The following PDE3B variants were observed in gnomAD, a reference collection of about 807,000 sequenced individuals.
PDE3B encodes the protein cGMP-inhibited 3',5'-cyclic phosphodiesterase 3B.
A neutral mutation model predicts 116.8 loss-of-function variants in PDE3B; 66 were observed. The ratio of observed to expected loss-of-function variants is 0.56; its 90% CI spans 0.46 to 0.69. The LOEUF (loss-of-function observed/expected upper bound fraction) is 0.69, where lower values mean the gene tolerates loss of function less well. PDE3B is among the 30% of genes least tolerant of loss of function. The pLI is 0.00. For synonymous variants in PDE3B, 595 were observed against 533.6 expected (o/e 1.12, Z -1.59); for missense variants, 1,384 against 1,368.1 (o/e 1.01, Z -0.18).
intron 12 of PDE3B, among the ~76,000 whole-genome samples, chr11:14,855,524 T>G (rs1306661791): frequency 2.0e-5 from 3 of 152,330 alleles, no homozygotes; most frequent in African/African-American, 7.2e-5. Flanking sequence ...TGGGTGCATA[T>G]TGTGGGATAG....
chr11:14,737,126 C>T (rs892546969), intron 1 of PDE3B, among the ~76,000 whole-genome samples: 5 of 150,840 alleles, frequency 3.3e-5, no homozygotes, highest in East Asian at 1.9e-4. Context: ...ACATTTAGAA[C>T]GAAATGTGAT....
downstream of PDE3B, among the ~76,000 whole-genome samples, chr11:14,876,527 C>T (rs1387148852): frequency 6.6e-6 from 1 of 152,130 alleles, no homozygotes; most frequent in East Asian, 1.9e-4. Flanking sequence ...TCCATCACTA[C>T]TTCTAGTAGT....
intron 1 of PDE3B, among the ~76,000 whole-genome samples, chr11:14,764,570 A>G (rs76191651): frequency 0.011 from 1,635 of 152,216 alleles, 75 homozygotes; most frequent in East Asian, 0.042. Flanking sequence ...GCTACAGCAT[A>G]ATGGTTGGTC....
chr11:14,781,867 A>G (rs1858015321), intron 2 of PDE3B, among the ~76,000 whole-genome samples: 2 of 152,190 alleles, frequency 1.3e-5, no homozygotes, highest in Non-Finnish European at 2.9e-5. Context: ...AGAGGAAGTC[A>G]AATTGTCCCT....
chr11:14,757,479 T>A (rs974019289), intron 1 of PDE3B, among the ~76,000 whole-genome samples: 2 of 151,620 alleles, frequency 1.3e-5, no homozygotes, highest in Admixed American at 6.6e-5. Context: ...TTCCTGACTT[T>A]TTAATGACTG....
At chr11:14,818,115 A>G in intron 5 of PDE3B, 68 bp from the exon 6 acceptor site, 2 of 1,014,032 alleles carry the variant, frequency 2.0e-6, no homozygotes, top group South Asian at 1.7e-5. Flanking sequence ...AAACACAAAT[A>G]TATTTAATAA....
At chr11:14,797,259 C>A (rs536461277) in intron 4 of PDE3B, among the ~76,000 whole-genome samples, 46 of 152,172 alleles carry the variant, frequency 3.0e-4, no homozygotes, top group Non-Finnish European at 5.7e-4. Context: ...AAAGAACAGG[C>A]AGTAATGATT....
rs367944105 is a variant in PDE3B, at chr11:14,772,438, A to G, written c.1029+451A>G. 1.1e-3 allele frequency: 174 copies of G among 153,014 alleles called. 4 individuals carry two copies. In the South Asian group the frequency reaches 0.035, roughly 31 times the overall value. The allele number at this position is 153,014 out of a possible 1,614,324, so 9.5% of individuals were successfully genotyped here. A position where few individuals can be genotyped will look rare whatever the true frequency, so the allele number is the denominator to read the frequency against. The stretch of plus-strand genomic sequence containing the variant: ...TCATTTTTTGGTAAACTTTTTATCA[A>G]ATTATAACATACATGCAGGAAAGTG... On this transcript the variant is annotated intron_variant, in intron 2 of 15. Transcript: ENST00000282096.
At chr11:14,853,568 C>G (rs1182616107) in intron 12 of PDE3B, among the ~76,000 whole-genome samples, 1 of 152,162 alleles carries the variant, frequency 6.6e-6, no homozygotes, top group Non-Finnish European at 1.5e-5. Context: ...AAAGTAGGTT[C>G]TTTCATCTTT....
At chr11:14,678,911 T>C (rs1854610741) in intron 1 of PDE3B, among the ~76,000 whole-genome samples, 1 of 152,208 alleles carries the variant, frequency 6.6e-6, no homozygotes, top group African/African-American at 2.4e-5. Context: ...TTAAGACCTG[T>C]GATGCATTTT....
At chr11:14,736,276 C>T (rs1214939161) in intron 1 of PDE3B, among the ~76,000 whole-genome samples, 1 of 151,970 alleles carries the variant, frequency 6.6e-6, no homozygotes, top group Non-Finnish European at 1.5e-5. Flanking sequence ...ATAGCCTGAA[C>T]GTGTAGAAGG....
chr11:14,721,424 G>T (rs1448433807), intron 1 of PDE3B, among the ~76,000 whole-genome samples: 2 of 150,640 alleles, frequency 1.3e-5, no homozygotes, highest in African/African-American at 2.4e-5. Context: ...CCATTACTGG[G>T]TATATACCCA....
intron 12 of PDE3B, among the ~76,000 whole-genome samples, chr11:14,848,593 T>C (rs917914350): frequency 3.3e-5 from 5 of 152,120 alleles, no homozygotes; most frequent in African/African-American, 1.2e-4. Flanking sequence ...GAAAACCCCA[T>C]TGTCTCAGCC....
downstream of PDE3B, among the ~76,000 whole-genome samples, chr11:14,876,448 A>C (rs782703316): frequency 2.6e-5 from 4 of 152,130 alleles, no homozygotes; most frequent in Non-Finnish European, 5.9e-5. Context: ...ACTCTTCATA[A>C]TTATCCCTAG....
chr11:14,805,567 T>A (rs1858893757), intron 5 of PDE3B, among the ~76,000 whole-genome samples: 1 of 152,214 alleles, frequency 6.6e-6, no homozygotes, highest in Non-Finnish European at 1.5e-5. Context: ...TTTTTGTCAA[T>A]TGTACCTCAG....
intron 5 of PDE3B, among the ~76,000 whole-genome samples, chr11:14,807,796 C>T (rs1234931146): frequency 6.6e-6 from 1 of 152,078 alleles, no homozygotes; most frequent in African/African-American, 2.4e-5. Context: ...CTTGTAATCC[C>T]AGCACTTTGG....
chr11:14,895,926 T>TGAC, the PDE3B span, among the ~76,000 whole-genome samples: 2 of 148,756 alleles, frequency 1.3e-5, no homozygotes, highest in Non-Finnish European at 3.0e-5. Context: ...GGTGGCATGG[T>TGAC]GATGATGATG....
intron 2 of PDE3B, among the ~76,000 whole-genome samples, chr11:14,778,948 C>T (rs937788683): frequency 2.0e-5 from 3 of 152,086 alleles, no homozygotes; most frequent in South Asian, 2.1e-4. Flanking sequence ...GAATGGCTAA[C>T]TAAAATAAAC....
chr11:14,872,616 C>A (rs995898527), downstream of PDE3B, among the ~76,000 whole-genome samples: 1 of 152,092 alleles, frequency 6.6e-6, no homozygotes, highest in African/African-American at 2.4e-5. Context: ...AAGAATAACA[C>A]GATTAGATTT....
Sources: allele counts gnomAD v4.1 joint callset (sites outside exome capture counted in the v4.1 genomes callset), GRCh38; gene constraint gnomAD v4.1.1; transcripts MANE v1.5; gene names NCBI Gene and HGNC (gene_info 2026-07-23, HGNC 2026-07-21).